E2F6: variants seen among roughly 807,000 people sequenced by gnomAD.
E2F6 encodes transcription factor E2F6.
Under a neutral mutation model 31.5 loss-of-function variants are expected in E2F6, and 19 were observed. That is an observed-to-expected ratio of 0.60 (90% CI 0.42 to 0.89). The LOEUF (loss-of-function observed/expected upper bound fraction) is 0.89. Ranked by LOEUF, E2F6 falls within the 40% of genes least tolerant of loss-of-function variation. The pLI is 0.00. For missense variants in E2F6, 269 were observed against 341.6 expected, an observed-to-expected ratio of 0.79 and a Z score of 1.67; for synonymous variants, 121 against 127.7, an observed-to-expected ratio of 0.95 and a Z score of 0.36.
intron 1 of E2F6, among the ~76,000 whole-genome samples, chr2:11,459,316 AC>A (rs2148356419): frequency 6.6e-6 from 1 of 152,146 alleles, no homozygotes; most frequent in East Asian, 1.9e-4. Flanking sequence ...ACACCTCCCT[AC>A]CCATCTCATC....
intron 4 of E2F6, among the ~76,000 whole-genome samples, chr2:11,450,390 T>A (rs1670989233): frequency 6.6e-6 from 1 of 152,168 alleles, no homozygotes; most frequent in South Asian, 2.1e-4. Context: ...ATTATGATTA[T>A]GATGGCAATT....
chr2:11,463,374 C>G (rs1426031938), intron 1 of E2F6, among the ~76,000 whole-genome samples: 2 of 152,192 alleles, frequency 1.3e-5, no homozygotes, highest in Admixed American at 1.3e-4. Context: ...TTCTTAATAA[C>G]ATTTTCTTTT....
intron 5 of E2F6, among the ~76,000 whole-genome samples, chr2:11,448,898 G>A (rs556634503): frequency 6.6e-6 from 1 of 152,156 alleles, no homozygotes; most frequent in Admixed American, 6.5e-5. Context: ...GGAGCAGGCC[G>A]GATCTGACCT....
intron 1 of E2F6, among the ~76,000 whole-genome samples, chr2:11,464,037 A>G: frequency 6.6e-6 from 1 of 151,562 alleles, no homozygotes; most frequent in Non-Finnish European, 1.5e-5. Flanking sequence ...AGAGAAGCAG[A>G]TGGAGCATCA....
chr2:11,455,231 AAAT>A (rs1671333432), intron 2 of E2F6: 2 of 899,096 alleles, frequency 2.2e-6, no homozygotes, highest in Non-Finnish European at 2.8e-6. Context: ...TTTGCAGAAA[AAAT>A]AATTTCTAAA....
chr2:11,453,309 T>G (rs752665228), intron 3 of E2F6, among the ~76,000 whole-genome samples: 6 of 152,248 alleles, frequency 3.9e-5, no homozygotes. Context: ...AGTAAGCCTC[T>G]AGGTGTTTAC....
Position 11,460,725 on chromosome 2 carries a change from T to C in E2F6, c.109-3492A>G, listed in dbSNP as rs561969929. Among the ~76,000 whole-genome samples the C allele has an allele frequency of 4.6e-5, 7 of 152,330 alleles. No individual in the cohort carries two copies. In the East Asian group the frequency reaches 1.3e-3, roughly 29 times the overall value. On this transcript the variant is annotated intron_variant, in intron 1 of 6. Coordinates refer to ENST00000381525, the MANE Select transcript of E2F6 (RefSeq NM_198256.4). ...TACAGCCCACTACACACCTAGGCTA[T>C]ACAGTATAGCCTATTGCTGCTAGGC... is the stretch of plus-strand genomic sequence containing the variant.
At chr2:11,456,838 G>A (rs546812433) in intron 2 of E2F6, among the ~76,000 whole-genome samples, 5 of 152,294 alleles carry the variant, frequency 3.3e-5, no homozygotes, top group Admixed American at 6.5e-5. Flanking sequence ...ACTTCCAGAA[G>A]AGGGAACTAG....
intron 1 of E2F6, among the ~76,000 whole-genome samples, chr2:11,465,152 T>G (rs1572520576): frequency 9.3e-6 from 1 of 107,626 alleles, no homozygotes; most frequent in African/African-American, 3.7e-5. Flanking sequence ...CACTCCAGCC[T>G]GGGGAACAAA....
chr2:11,463,331 C>T (rs1035731061), intron 1 of E2F6, among the ~76,000 whole-genome samples: 1 of 152,144 alleles, frequency 6.6e-6, no homozygotes, highest in Non-Finnish European at 1.5e-5. Flanking sequence ...CCTAATTCCC[C>T]CGAAGGAGTA....
rs140721895 is a variant in E2F6, at chr2:11,449,729, G to C, written c.651+283C>G. Among the ~76,000 whole-genome samples, 597 of 152,290 alleles carry C rather than the reference G, an allele frequency of 3.9e-3. 6 individuals carry two copies. The highest frequency in any genetic ancestry group is 0.014 in the African/African-American group (573 of 41,562). ...TTCTAAGAAGCACTGCAGTACAATAGTGAAAAGCAAACTATGAAGCCACAC... is the reference window on the plus strand; with the variant it reads ...TTCTAAGAAGCACTGCAGTACAATACTGAAAAGCAAACTATGAAGCCACAC... On this transcript the variant is annotated intron_variant, in intron 5 of 6. Coordinates refer to ENST00000381525, the MANE Select transcript of E2F6 (RefSeq NM_198256.4).
intron 4 of E2F6, among the ~76,000 whole-genome samples, chr2:11,450,879 A>G (rs1671019724): frequency 6.6e-6 from 1 of 152,126 alleles, no homozygotes; most frequent in African/African-American, 2.4e-5. Flanking sequence ...GATAGCTCAG[A>G]ATCAGTGAGC....
intron 1 of E2F6, 75 bp from the exon 2 acceptor site, chr2:11,457,308 G>C: frequency 1.1e-6 from 1 of 915,222 alleles, no homozygotes; most frequent in Non-Finnish European, 1.7e-6. Flanking sequence ...TTACTCAATA[G>C]TATAAAGGTC....
chr2:11,447,797 T>A, intron 5 of E2F6, 23 bp from the exon 6 acceptor site: 1 of 1,592,826 alleles, frequency 6.3e-7, no homozygotes, highest in Non-Finnish European at 8.5e-7. Context: ...ACAGGAATCG[T>A]CAAGATGAAT....
In E2F6 at chr2:11,447,646, A is replaced by G; in HGVS notation, c.780T>C (p.His260=). The change falls in exon 6 of 7, where the codon CAT becomes CAC. Residue 260 remains histidine (H), a synonymous_variant. Coordinates refer to ENST00000381525, the MANE Select transcript of E2F6 (RefSeq NM_198256.4). ...GVGTSSSEST[H]PEGPEEEENP... ...ATTTACCTTCCTCAGGGCCTTCTGG[A>G]TGAGTGCTCTCAGATGAAGAGGTCC... 9 of 1,611,928 alleles carry G rather than the reference A, an allele frequency of 5.6e-6. No individual in the cohort carries two copies. The highest frequency in any genetic ancestry group is 7.6e-6 in the Non-Finnish European group (9 of 1,179,830).
intron 3 of E2F6, 150 bp downstream of exon 3, chr2:11,453,432 G>T: frequency 1.3e-6 from 1 of 741,296 alleles, no homozygotes; most frequent in Non-Finnish European, 2.2e-6. Context: ...TCTCTAGGAT[G>T]ATGCAAGAAA....
chr2:11,451,475 C>T (rs1311080402), intron 4 of E2F6, 176 bp downstream of exon 4: 2 of 534,032 alleles, frequency 3.7e-6, no homozygotes, highest in Non-Finnish European at 6.0e-6. Flanking sequence ...CTCAGCCTCC[C>T]AAGGAGCTGG....
chr2:11,461,476 C>A (rs760392653), intron 1 of E2F6, among the ~76,000 whole-genome samples: 2 of 152,158 alleles, frequency 1.3e-5, no homozygotes, highest in African/African-American at 4.8e-5. Flanking sequence ...CTCAGCCTCC[C>A]GAGTAGCTGG....
chr2:11,456,273 CAT>C (rs1445478292), intron 2 of E2F6, among the ~76,000 whole-genome samples: 2 of 152,156 alleles, frequency 1.3e-5, no homozygotes, highest in Non-Finnish European at 2.9e-5. Context: ...TGAATGATAT[CAT>C]AATCCAATTT....
Sources: allele counts gnomAD v4.1 joint callset (sites outside exome capture counted in the v4.1 genomes callset), GRCh38; gene constraint gnomAD v4.1.1; transcripts MANE v1.5; gene names NCBI Gene and HGNC (gene_info 2026-07-23, HGNC 2026-07-21).